Variants in OXCT1 observed in about 807,000 individuals in gnomAD.
OXCT1 encodes succinyl-CoA:3-ketoacid coenzyme A transferase 1, mitochondrial.
A neutral mutation model predicts 69.6 loss-of-function variants in OXCT1; 27 were observed. The observed-to-expected ratio is 0.39, with a 90% CI of 0.29 to 0.54. The LOEUF (loss-of-function observed/expected upper bound fraction) is 0.54, where lower values mean the gene tolerates loss of function less well. Ranked by LOEUF, OXCT1 falls within the 20% of genes least tolerant of loss-of-function variation. The pLI, the probability that OXCT1 is intolerant of heterozygous loss-of-function variation, is 0.72. For synonymous variants in OXCT1, 202 were observed against 217.8 expected, an observed-to-expected ratio of 0.93 and a Z score of 0.64; for missense variants, 437 against 650.2, an observed-to-expected ratio of 0.67 and a Z score of 3.57.
chr5:41,867,848 T>G (rs1750069787), intron 1 of OXCT1, among the ~76,000 whole-genome samples: 1 of 152,190 alleles, frequency 6.6e-6, no homozygotes, highest in Non-Finnish European at 1.5e-5. Flanking sequence ...ACTAATAATT[T>G]TCTATAGTGA....
rs1342643769 is a variant in OXCT1, at chr5:41,762,741, A to G, written c.1249-541T>C. Among the ~76,000 whole-genome samples the G allele has an allele frequency of 6.6e-6, 1 of 152,146 alleles. No homozygotes were observed. The highest frequency in any genetic ancestry group is 1.5e-5 in the Non-Finnish European group (1 of 68,006). On this transcript the variant is annotated intron_variant, in intron 13 of 16. Coordinates refer to ENST00000196371, the MANE Select transcript of OXCT1 (RefSeq NM_000436.4). The surrounding 1 kb of genome is among the most constrained non-coding windows in gnomAD (Gnocchi z 4.0). ...AACACTTGGCATTTATCTTGCGCTT[A>G]GAAAAATAAAATAAAAAACATTCTT...
At chr5:41,814,130 GA>G (rs143536269) in intron 7 of OXCT1, among the ~76,000 whole-genome samples, 28,185 of 147,222 alleles carry the variant, frequency 0.19, 2,806 homozygotes, top group Middle Eastern at 0.29. Context: ...TCATCTTTGG[GA>G]AAAAAAAAAC....
chr5:41,839,692 C>A (rs553120864), intron 7 of OXCT1, among the ~76,000 whole-genome samples: 1 of 152,314 alleles, frequency 6.6e-6, no homozygotes, highest in South Asian at 2.1e-4. Flanking sequence ...ATACCACATA[C>A]AACACCTGCC....
At chr5:41,793,858 C>T (rs1207938088) in intron 13 of OXCT1, 145 bp downstream of exon 13, 3 of 651,102 alleles carry the variant, frequency 4.6e-6, no homozygotes, top group Non-Finnish European at 5.5e-6. Context: ...TCAGTGCTTA[C>T]TTAATTAAAA....
At chr5:41,752,921 T>C (rs1031760490) in intron 14 of OXCT1, among the ~76,000 whole-genome samples, 2 of 152,072 alleles carry the variant, frequency 1.3e-5, no homozygotes, top group Non-Finnish European at 2.9e-5. Flanking sequence ...GAGCAATACA[T>C]AGGGTAATTC....
At position 41,731,786 on chromosome 5, in the gene OXCT1, A is replaced by G. The variant is rs1487966448; in HGVS notation, c.1522-16T>C. 1.9e-6 allele frequency: 3 copies of G among 1,603,948 alleles called. No individual in the cohort carries two copies. On this transcript the variant is annotated splice_polypyrimidine_tract_variant and intron_variant, in intron 16 of 16. Coordinates refer to ENST00000196371, the MANE Select transcript of OXCT1 (RefSeq NM_000436.4). Reference sequence around the variant, plus strand: ...TTGGTGAAACCTGGTAAAAGAGGAAAAAAAAATCAAATTATGAAAAACTGC... The same window carrying G: ...TTGGTGAAACCTGGTAAAAGAGGAAGAAAAAATCAAATTATGAAAAACTGC...
intron 15 of OXCT1, among the ~76,000 whole-genome samples, chr5:41,747,966 T>C (rs556475301): frequency 7.2e-4 from 109 of 152,224 alleles, no homozygotes; most frequent in Non-Finnish European, 1.4e-3. Flanking sequence ...GCTGGATGTT[T>C]GGTGTCTCAC....
chr5:41,794,511 G>A (rs1746082122), intron 12 of OXCT1, 166 bp downstream of exon 12: 1 of 666,480 alleles, frequency 1.5e-6, no homozygotes, highest in Admixed American at 2.6e-5. Context: ...GATATTCAAT[G>A]CCCAACATTC....
intron 5 of OXCT1, among the ~76,000 whole-genome samples, chr5:41,846,266 T>A (rs1479223311): frequency 7.0e-6 from 1 of 142,790 alleles, no homozygotes; most frequent in South Asian, 2.4e-4. Context: ...TATCTCCCAA[T>A]GCTATCCCTC....
At chr5:41,845,246 A>G (rs1748841625) in intron 5 of OXCT1, among the ~76,000 whole-genome samples, 3 of 151,954 alleles carry the variant, frequency 2.0e-5, no homozygotes, top group Non-Finnish European at 4.4e-5. Context: ...TCTTATCTCC[A>G]CTTGCCTCGT....
intron 5 of OXCT1, among the ~76,000 whole-genome samples, chr5:41,843,312 T>C (rs1243056911): frequency 1.3e-5 from 2 of 152,202 alleles, no homozygotes; most frequent in East Asian, 1.9e-4. Flanking sequence ...CCCATGAGCA[T>C]AGTATATGTC....
At chr5:41,823,394 C>A (rs2112338222) in intron 7 of OXCT1, among the ~76,000 whole-genome samples, 1 of 152,298 alleles carries the variant, frequency 6.6e-6, no homozygotes, top group Non-Finnish European at 1.5e-5. Flanking sequence ...CAAGACCAGA[C>A]CACTCTGGAG....
chr5:41,857,536 G>A (rs1311618345), intron 3 of OXCT1, among the ~76,000 whole-genome samples: 1 of 152,160 alleles, frequency 6.6e-6, no homozygotes, highest in African/African-American at 2.4e-5. Flanking sequence ...CCAATGGGAG[G>A]CACCATCAAG....
intron 8 of OXCT1, among the ~76,000 whole-genome samples, chr5:41,806,651 C>T (rs1273080273): frequency 1.3e-5 from 2 of 152,046 alleles, no homozygotes; most frequent in East Asian, 3.9e-4. Context: ...GCCTGCTTCC[C>T]CTTTTCCTTC....
At chr5:41,771,889 T>C (rs572936675) in intron 13 of OXCT1, among the ~76,000 whole-genome samples, 1 of 152,178 alleles carries the variant, frequency 6.6e-6, no homozygotes, top group African/African-American at 2.4e-5. Flanking sequence ...CATAGGAGCA[T>C]GTATGACCTG....
rs1409790798 is a variant in OXCT1, at chr5:41,870,379, G to A, written c.-21C>T. 3 of 1,600,970 alleles carry A rather than the reference G, an allele frequency of 1.9e-6. No individual in the cohort carries two copies. Among genetic ancestry groups the A allele is most frequent in the South Asian group, 1.1e-5 (1 of 90,564 alleles). ...GCCATCTTCGGGCGGTGAGGCAGGA[G>A]GAGGCTGCGGGTTGGAGCGCGCGTT... On this transcript the variant is annotated 5_prime_UTR_variant, in exon 1 of 17. Coordinates refer to ENST00000196371, the MANE Select transcript of OXCT1 (RefSeq NM_000436.4). The surrounding 1 kb of genome is among the most constrained non-coding windows in gnomAD (Gnocchi z 4.2).
Position 41,762,917 on chromosome 5 carries a change from C to T in OXCT1, c.1249-717G>A, listed in dbSNP as rs372888925. 9.9e-5 allele frequency among the ~76,000 whole-genome samples: 15 copies of T among 152,182 alleles called. 1 individual carries two copies. The highest frequency in any genetic ancestry group is 3.4e-4 in the African/African-American group (14 of 41,540). The stretch of plus-strand genomic sequence containing the variant: ...CTCTGAAAAAGTCCATCCGTCTATT[C>T]TGTCTCCTGCTTACAGAGTTCTGGA... On this transcript the variant is annotated intron_variant, in intron 13 of 16. Transcript: ENST00000196371. The surrounding 1 kb of genome is among the most constrained non-coding windows in gnomAD (Gnocchi z 4.0).
At chr5:41,779,800 T>A (rs1248481687) in intron 13 of OXCT1, among the ~76,000 whole-genome samples, 23 of 150,322 alleles carry the variant, frequency 1.5e-4, no homozygotes, top group Non-Finnish European at 1.0e-4. Context: ...GCCTTTAAAA[T>A]TTGAAGAAAA....
At chr5:41,861,980 G>C (rs1749759015) in intron 2 of OXCT1, among the ~76,000 whole-genome samples, 1 of 152,206 alleles carries the variant, frequency 6.6e-6, no homozygotes, top group African/African-American at 2.4e-5. Flanking sequence ...GGAGGCCAAG[G>C]TGGGCAGATG....
Sources: allele counts gnomAD v4.1 joint callset (sites outside exome capture counted in the v4.1 genomes callset), GRCh38; gene constraint gnomAD v4.1.1; non-coding constraint Gnocchi (gnomAD v3.1); transcripts MANE v1.5; gene names NCBI Gene and HGNC (gene_info 2026-07-23, HGNC 2026-07-21).